Variants in ADAMTSL5 observed in about 807,000 individuals in gnomAD.
ADAMTSL5 encodes ADAMTS-like protein 5.
A neutral mutation model predicts 51.7 loss-of-function variants in ADAMTSL5; 53 were observed. That is an observed-to-expected ratio of 1.03 (90% CI 0.82 to 1.29). The LOEUF is 1.29. Ranked by LOEUF, ADAMTSL5 falls within the 50% of genes most tolerant of loss-of-function variation. ADAMTSL5 has a pLI of 0.00. For missense variants in ADAMTSL5, 770 were observed against 676.2 expected (o/e 1.14, Z -1.54); for synonymous variants, 285 against 278.7 (o/e 1.02, Z -0.23).
At chr19:1,512,069 A>C (rs977341459) in intron 1 of ADAMTSL5, among the ~76,000 whole-genome samples, 2 of 151,212 alleles carry the variant, frequency 1.3e-5, no homozygotes, top group African/African-American at 4.9e-5. Context: ...CACCCTCCTC[A>C]TGACCCCAGC....
rs139611895 is a variant in ADAMTSL5, at chr19:1,509,934, G to A, written c.361+216C>T. ...GGATACAGCTCTAAGTCAATCCTTA[G>A]TTGGGTGTTCAGCCCTGTGCAGAAT... On this transcript the variant is annotated intron_variant, in intron 5 of 11. Transcript: ENST00000330475. Among the ~76,000 whole-genome samples, 249 of 152,266 alleles carry A rather than the reference G, an allele frequency of 1.6e-3. 1 individual carries two copies. The highest frequency in any genetic ancestry group is 5.6e-3 in the African/African-American group (231 of 41,544).
chr19:1,510,596 G>A (rs908569199), intron 3 of ADAMTSL5, 43 bp downstream of exon 3: 75 of 1,490,896 alleles, frequency 5.0e-5, no homozygotes, highest in Admixed American at 2.5e-4. Context: ...GGGCTGGGCC[G>A]GCGGGGGAGG....
Position 1,510,845 on chromosome 19 carries a change from C to T in ADAMTSL5, c.99G>A (p.Gln33=), listed in dbSNP as rs1369124822. The change falls in exon 2 of 12, where the codon CAG becomes CAA. Residue 33 remains glutamine, a splice_region_variant and synonymous_variant. Transcript: ENST00000330475. The part of the protein sequence containing the change: ...LLNCGLGVSA[Q]GPGEWTPWVS... ...CCCCTGGGCTCATGCCCCCCCTTACCTGAGCACTGACCCCCAAACCACAGT... is the reference window on the plus strand; with the variant it reads ...CCCCTGGGCTCATGCCCCCCCTTACTTGAGCACTGACCCCCAAACCACAGT... The T allele has an allele frequency of 6.5e-7, 1 of 1,547,784 alleles. No homozygotes were observed. The highest frequency in any genetic ancestry group is 8.7e-7 in the Non-Finnish European group (1 of 1,153,646).
Position 1,508,054 on chromosome 19 carries a change from C to T in ADAMTSL5, c.545G>A (p.Arg182His), listed in dbSNP as rs1222537728. The T allele has an allele frequency of 3.7e-6, 6 of 1,610,130 alleles. No homozygotes were observed. The highest frequency in any genetic ancestry group is 5.1e-6 in the Non-Finnish European group (6 of 1,179,014). The part of the protein sequence containing the change: ...GSGALEDRCG[R>H]CGGANDSCLF... ...GCACGAGTCGTTGGCGCCTCCGCAGCGGCCACAGCGGTCCTCGAGGGCACC... is the reference window on the plus strand; with the variant it reads ...GCACGAGTCGTTGGCGCCTCCGCAGTGGCCACAGCGGTCCTCGAGGGCACC... The change falls in exon 7 of 12, where the codon CGC becomes CAC. Residue 182 changes from arginine to histidine, a missense_variant. By Grantham distance (29) the Arg-to-His change is conservative. Coordinates refer to ENST00000330475, the MANE Select transcript of ADAMTSL5 (RefSeq NM_213604.3).
rs775018380 is a variant in ADAMTSL5, at chr19:1,506,843, T to G, written c.938A>C (p.Gln313Pro). 3 of 1,542,510 alleles carry G rather than the reference T, an allele frequency of 1.9e-6. No individual in the cohort carries two copies. In the African/African-American group the frequency reaches 4.1e-5, roughly 21 times the overall value. The part of the protein sequence containing the change: ...ERYSPFQARV[Q>P]ALGWPLRQPQ... ...CTGCCTCAGGGGCCAGCCCAGGGCC[T>G]GCACACGAGCCTGGAAGGGGCTGTA... The change falls in exon 10 of 12, where the codon CAG (glutamine) becomes CCG (proline). Residue 313 changes from glutamine (Q) to proline (P), a missense_variant. Physicochemically the swap from Gln to Pro is moderately conservative, Grantham distance 76. Transcript: ENST00000330475. The surrounding 1 kb of genome is among the most constrained non-coding windows in gnomAD (Gnocchi z 5.6).
chr19:1,510,640 G>A lies in ADAMTSL5; in HGVS notation c.190C>T (p.Arg64Trp), dbSNP rs1041888264. ...GGACCCCCTCCGGGCCCCGCTCACC[G>A]GAGGCAGCGCCGGCTGCGCACAGAG... ...GVSVRSRRCL[R>W]LPGEEPCWGD... Residue 64 changes from arginine to tryptophan, a missense_variant and splice_region_variant, in exon 3 of 12, where the codon CGG becomes TGG. Transcript: ENST00000330475. 35 of 1,535,420 alleles carry A rather than the reference G, an allele frequency of 2.3e-5. No individual in the cohort carries two copies. The highest frequency in any genetic ancestry group is 3.1e-5 in the Non-Finnish European group (35 of 1,140,054).
In ADAMTSL5 at chr19:1,507,988, A is replaced by T. The variant is rs1599285488; in HGVS notation, c.601+10T>A. On this transcript the variant is annotated intron_variant, in intron 7 of 11. Transcript: ENST00000330475. ...GACGTGTGTGCAGGGAGGGCGGGGC[A>T]GGTAGTCACCGGCGTCACGAAACAC... is the stretch of plus-strand genomic sequence containing the variant. 6.3e-7 allele frequency: 1 copy of T among 1,581,608 alleles called. No homozygotes were observed. Among genetic ancestry groups the T allele is most frequent in the African/African-American group, 1.3e-5 (1 of 74,138 alleles).
intron 5 of ADAMTSL5, among the ~76,000 whole-genome samples, chr19:1,509,806 G>T (rs946202221): frequency 6.6e-6 from 1 of 152,104 alleles, no homozygotes; most frequent in Non-Finnish European, 1.5e-5. Context: ...CCTGAAATCT[G>T]GAGGCGCACT....
At position 1,506,304 on chromosome 19, in the gene ADAMTSL5, C is replaced by G; in HGVS notation, c.1127G>C (p.Arg376Pro). 1.9e-6 allele frequency: 3 copies of G among 1,547,288 alleles called. No homozygotes were observed. Among genetic ancestry groups the G allele is most frequent in the Non-Finnish European group, 2.6e-6 (3 of 1,144,334 alleles). ...GGCCTGGTGGTGGTGGCCCAGCACT[C>G]GGGCCTGGAACACTGTTGAGGGGAC... ...YCGSDFVFQA[R>P]VLGHHHQAQE... The change falls in exon 12 of 12, where the codon CGA becomes CCA. Residue 376 changes from arginine (R) to proline (P), a missense_variant. Arg to Pro is a moderately radical substitution (Grantham distance 103). Transcript: ENST00000330475. This position sits in a 1 kb window ranked among gnomAD's most constrained non-coding sequence, Gnocchi z 5.6.
rs923754110 is a variant in ADAMTSL5, at chr19:1,507,352, G to A, written c.742C>T (p.Pro248Ser). 2 of 1,590,048 alleles carry A rather than the reference G, an allele frequency of 1.3e-6. No individual in the cohort carries two copies. The highest frequency in any genetic ancestry group is 1.7e-6 in the Non-Finnish European group (2 of 1,166,940). ...CCGGCCGCCTCGTAGGTCCCTGGTG[G>A]GCTGACCACCCAGTGCCCATTAAGC... The part of the protein sequence containing the change: ...YVLNGHWVVS[P>S]PGTYEAAGTH... The change falls in exon 9 of 12, where the codon CCA becomes TCA. Residue 248 changes from proline (P) to serine (S), a missense_variant. By Grantham distance (74) the Pro-to-Ser change is moderately conservative. Transcript: ENST00000330475.
intron 9 of ADAMTSL5, 90 bp downstream of exon 9, chr19:1,507,152 C>T: frequency 1.3e-6 from 2 of 1,486,190 alleles, no homozygotes; most frequent in South Asian, 1.4e-5. Context: ...CCTTCTGGCC[C>T]CAGTCACCTC....
rs760714997 is a variant in ADAMTSL5, at chr19:1,510,834, C to T, written c.99+11G>A. The T allele has an allele frequency of 3.9e-6, 6 of 1,524,398 alleles. No individual in the cohort carries two copies. Among genetic ancestry groups the T allele is most frequent in the Non-Finnish European group, 3.5e-6 (4 of 1,139,994 alleles). The allele number at this position is 1,524,398 out of a possible 1,614,324, so 94.4% of individuals were successfully genotyped here. A position where few individuals can be genotyped will look rare whatever the true frequency, so the allele number is the denominator to read the frequency against. ...CCACTCGCCACCCCCTGGGCTCATGCCCCCCCTTACCTGAGCACTGACCCC... is the reference window on the plus strand; with the variant it reads ...CCACTCGCCACCCCCTGGGCTCATGTCCCCCCTTACCTGAGCACTGACCCC... On this transcript the variant is annotated intron_variant, in intron 2 of 11. Transcript: ENST00000330475.
rs1677470907 is a variant in ADAMTSL5 at position 1,506,972 on chromosome 19, G to A, written c.853-44C>T. On this transcript the variant is annotated intron_variant, in intron 9 of 11. Coordinates refer to ENST00000330475, the MANE Select transcript of ADAMTSL5 (RefSeq NM_213604.3). This position sits in a 1 kb window ranked among gnomAD's most constrained non-coding sequence, Gnocchi z 5.6. ...CACAGGGAGCTTCACAGGAGGCTGGGGTTGCCTCCTGCCTCTGACCCTACG... is the reference window on the plus strand; with the variant it reads ...CACAGGGAGCTTCACAGGAGGCTGGAGTTGCCTCCTGCCTCTGACCCTACG... 3 of 1,510,716 alleles carry A rather than the reference G, an allele frequency of 2.0e-6. No individual in the cohort carries two copies. Among genetic ancestry groups the A allele is most frequent in the Non-Finnish European group, 1.8e-6 (2 of 1,126,750 alleles). The allele number at this position is 1,510,716 out of a possible 1,614,324, so 93.6% of individuals were successfully genotyped here.
chr19:1,508,153 GGCAGGACCTGGGGAAA>G (rs1477114078), intron 6 of ADAMTSL5, 44 bp from the exon 7 acceptor site: 2 of 1,530,148 alleles, frequency 1.3e-6, no homozygotes, highest in African/African-American at 4.2e-5. Context: ...CGCTGGGAGG[GGCAGGACCTGGGGAAA>G]GGGCAGTGCC....
At chr19:1,508,246 G>A (rs1913065658) in intron 6 of ADAMTSL5, 137 bp from the exon 7 acceptor site, 1 of 1,228,744 alleles carries the variant, frequency 8.1e-7, no homozygotes, top group Non-Finnish European at 1.1e-6. Context: ...AGGACCTGGC[G>A]GGAGGAGGAT....
chr19:1,506,919 G>A lies in ADAMTSL5; in HGVS notation c.862C>T (p.Gln288Ter). ...AACTCGATGCCAGGGTTGGGCTCCT[G>A]CAGGAGGACCTGGAGCAGGGGAGGG... ...SHDLLLQVLL[Q>*]EPNPGIEFEF... Residue 288 changes from glutamine to a stop codon, truncating the protein, a stop_gained, in exon 10 of 12, where the codon CAG (glutamine) becomes TAG (stop). Coordinates refer to ENST00000330475, the MANE Select transcript of ADAMTSL5 (RefSeq NM_213604.3). LOFTEE classifies it high-confidence loss of function. The surrounding 1 kb of genome is among the most constrained non-coding windows in gnomAD (Gnocchi z 5.6). 1.3e-6 allele frequency: 2 copies of A among 1,548,026 alleles called. No homozygotes were observed. The highest frequency in any genetic ancestry group is 1.7e-6 in the Non-Finnish European group (2 of 1,145,884).
Position 1,508,032 on chromosome 19 carries a change from C to G in ADAMTSL5, c.567G>C (p.Ser189=). The stretch of plus-strand genomic sequence containing the variant: ...GAAACACGCGCTGCACGAAAAGGCA[C>G]GAGTCGTTGGCGCCTCCGCAGCGGC... ...RCGRCGGAND[S]CLFVQRVFRD... The change falls in exon 7 of 12, where the codon TCG becomes TCC. Residue 189 remains serine, a synonymous_variant. Coordinates refer to ENST00000330475, the MANE Select transcript of ADAMTSL5 (RefSeq NM_213604.3). 1 of 1,607,708 alleles carries G rather than the reference C, an allele frequency of 6.2e-7. No individual in the cohort carries two copies. Among genetic ancestry groups the G allele is most frequent in the Non-Finnish European group, 8.5e-7 (1 of 1,177,900 alleles).
At chr19:1,508,287 G>T (rs946487791) in intron 6 of ADAMTSL5, 156 bp downstream of exon 6, 4 of 1,231,574 alleles carry the variant, frequency 3.2e-6, no homozygotes, top group African/African-American at 3.0e-5. Context: ...GGTGCCTAAG[G>T]GGGGCTGGGG....
At position 1,506,611 on chromosome 19, in the gene ADAMTSL5, G is replaced by T; in HGVS notation, c.1093C>A (p.His365Asn). Residue 365 changes from histidine (H) to asparagine (N), a missense_variant, in exon 11 of 12, where the codon CAC (histidine) becomes AAC (asparagine). By Grantham distance (68) the His-to-Asn change is moderately conservative. Coordinates refer to ENST00000330475, the MANE Select transcript of ADAMTSL5 (RefSeq NM_213604.3). The surrounding 1 kb of genome is among the most constrained non-coding windows in gnomAD (Gnocchi z 5.6). ...TCACCAAAGTCACTGCCGCAATAGT[G>T]GAGTAGTCGGTGGGCGCGGCCGCGG... ...DTRGRAHRLL[H>N]YCGSDFVFQA... 1 of 1,612,176 alleles carries T rather than the reference G, an allele frequency of 6.2e-7. No individual in the cohort carries two copies. Among genetic ancestry groups the T allele is most frequent in the East Asian group, 2.2e-5 (1 of 44,786 alleles).
Sources: gnomAD v4.1 joint callset for allele counts (sites outside exome capture counted in the v4.1 genomes callset) on GRCh38, gnomAD v4.1.1 for gene constraint, Gnocchi (gnomAD v3.1) non-coding constraint, MANE v1.5 for transcripts, NCBI Gene and HGNC (gene_info 2026-07-23, HGNC 2026-07-21) for gene names.